CYFIP1: variants seen among roughly 807,000 people sequenced by gnomAD.
CYFIP1 encodes cytoplasmic FMR1-interacting protein 1.
A neutral mutation model predicts 163.5 loss-of-function variants in CYFIP1; 58 were observed. The ratio of observed to expected loss-of-function variants is 0.35; its 90% CI spans 0.29 to 0.44. The LOEUF (loss-of-function observed/expected upper bound fraction) is 0.44, where lower values mean the gene tolerates loss of function less well. CYFIP1 is among the 20% of genes least tolerant of loss of function. The pLI is 1.00. For synonymous variants in CYFIP1, 663 were observed against 660.7 expected, an observed-to-expected ratio of 1.00 and a Z score of -0.05; for missense variants, 1,338 against 1,653.8, an observed-to-expected ratio of 0.81 and a Z score of 3.31.
chr15:22,915,059 T>A (rs2060923957), intron 16 of CYFIP1, 177 bp from the exon 17 acceptor site: 1 of 520,026 alleles, frequency 1.9e-6, no homozygotes. Flanking sequence ...CAGGACCAGC[T>A]GGGCATAGCT....
At position 22,910,604 on chromosome 15, in the gene CYFIP1, T is replaced by A; in HGVS notation, c.2184A>T (p.Arg728=). ...AGSLLLDKRL[R]SECKNQGATI... ...TGGCTCCCTGATTCTTGCATTCTGA[T>A]CGTAACCGTTTATCAAGAAGCAAAC... The change falls in exon 20 of 31, where the codon CGA becomes CGT. Residue 728 remains arginine, a synonymous_variant. Transcript: ENST00000617928. The A allele has an allele frequency of 1.2e-6, 2 of 1,614,154 alleles. No homozygotes were observed. The highest frequency in any genetic ancestry group is 1.7e-6 in the Non-Finnish European group (2 of 1,180,006).
In CYFIP1 at chr15:22,945,353, C is replaced by A. The variant is rs527739266; in HGVS notation, c.208-414G>T. On this transcript the variant is annotated intron_variant, in intron 3 of 30. Transcript: ENST00000617928. ...ACTGGCTCACAGGGCCTCCCGGTCC[C>A]AGAGAGGACTAGAGGCAGGGCTGCC... 3.9e-5 allele frequency among the ~76,000 whole-genome samples: 6 copies of A among 152,292 alleles called. No homozygotes were observed. In the East Asian group the frequency reaches 1.2e-3, roughly 29 times the overall value.
At position 22,943,229 on chromosome 15, in the gene CYFIP1, C is replaced by T; in HGVS notation, c.513G>A (p.Leu171=). The T allele has an allele frequency of 6.2e-7, 1 of 1,614,238 alleles. No individual in the cohort carries two copies. The highest frequency in any genetic ancestry group is 8.5e-7 in the Non-Finnish European group (1 of 1,180,040). The stretch of plus-strand genomic sequence containing the variant: ...TGCACTTCATGTTCTTCAGCTCGTC[C>T]AGCACAGCGAACATGTTGATGAATT... ...LGKFINMFAV[L]DELKNMKCSV... The change falls in exon 6 of 31, where the codon CTG becomes CTA. Residue 171 remains leucine, a synonymous_variant. Transcript: ENST00000617928.
chr15:22,946,883 T>A (rs1441812462), intron 3 of CYFIP1, 120 bp downstream of exon 3: 1 of 847,280 alleles, frequency 1.2e-6, no homozygotes, highest in Non-Finnish European at 2.0e-6. Flanking sequence ...AGGCATTTCA[T>A]TCATTTTCTT....
In CYFIP1 at chr15:22,870,146, T is replaced by G. The variant is rs1165023423; in HGVS notation, c.3644A>C (p.Asn1215Thr). ...ATCCAGGATGGTGATGATCTCATCA[T>G]TGAGAATCTGGAACTTGCGAATTCT... ...VERIRKFQIL[N>T]DEIITILDKY... The change falls in exon 31 of 31, where the codon AAT becomes ACT. Residue 1215 changes from asparagine to threonine, a missense_variant. Physicochemically the swap from Asn to Thr is moderately conservative, Grantham distance 65. Coordinates refer to ENST00000617928, the MANE Select transcript of CYFIP1 (RefSeq NM_014608.6). 6.2e-7 allele frequency: 1 copy of G among 1,612,462 alleles called. No individual in the cohort carries two copies. The highest frequency in any genetic ancestry group is 1.3e-5 in the African/African-American group (1 of 74,814).
In CYFIP1 at chr15:22,882,916, C is replaced by G. The variant is rs765338971; in HGVS notation, c.2772G>C (p.Gln924His). 3 of 1,613,970 alleles carry G rather than the reference C, an allele frequency of 1.9e-6. No individual in the cohort carries two copies. The East Asian group carries it at 6.7e-5, about 36-fold the overall frequency. Residue 924 changes from glutamine to histidine, a missense_variant, in exon 24 of 31, where the codon CAG becomes CAC. Physicochemically the swap from Gln to His is conservative, Grantham distance 24. Around this residue, in one of 4 missense-constraint regions of CYFIP1, gnomAD observed 824 missense variants for 995.7 expected, o/e 0.83. Transcript: ENST00000617928. ...GCTCCTCCATGACCACGGCGATACC[C>G]TGGTAGCCGAGAAGCCGGCAGATGA... Reference protein sequence around the residue: ...FQVICRLLGYQGIAVVMEELL... With the variant: ...FQVICRLLGYHGIAVVMEELL...
chr15:22,867,396 A>G lies in CYFIP1; in HGVS notation c.*2632T>C, dbSNP rs934931804. On this transcript the variant is annotated 3_prime_UTR_variant, in exon 31 of 31. Coordinates refer to ENST00000617928, the MANE Select transcript of CYFIP1 (RefSeq NM_014608.6). ...GAACCTCTTTCTTACAAAACAAAAAAAAGGGCAGAAATCACCCCAAGGAAC... is the reference window on the plus strand; with the variant it reads ...GAACCTCTTTCTTACAAAACAAAAAGAAGGGCAGAAATCACCCCAAGGAAC... 2 of 386,364 alleles carry G rather than the reference A, an allele frequency of 5.2e-6. No homozygotes were observed. The highest frequency in any genetic ancestry group is 4.6e-6 in the Non-Finnish European group (1 of 219,358). The allele number at this position is 386,364 out of a possible 1,614,324, so 23.9% of individuals were successfully genotyped here. A position where few individuals can be genotyped will look rare whatever the true frequency, so the allele number is the denominator to read the frequency against.
chr15:22,962,757 G>A (rs2062730820), intron 1 of CYFIP1, among the ~76,000 whole-genome samples: 1 of 152,072 alleles, frequency 6.6e-6, no homozygotes, highest in Non-Finnish European at 1.5e-5. Flanking sequence ...TTATAAAAGG[G>A]ATATCATCTA....
At position 22,873,526 on chromosome 15, in the gene CYFIP1, G is replaced by A; in HGVS notation, c.3414C>T (p.Tyr1138=). The change falls in exon 29 of 31, where the codon TAC becomes TAT. Residue 1138 remains tyrosine, a synonymous_variant. Transcript: ENST00000617928. ...HRLWSAMQFV[Y]CIPVGTHEFT... is the part of the protein sequence containing the mutation. ...ACTCGTGTGTCCCCACGGGAATGCAGTAGACAAACTGCATGGCACTCCACA... is the reference window on the plus strand; with the variant it reads ...ACTCGTGTGTCCCCACGGGAATGCAATAGACAAACTGCATGGCACTCCACA... The A allele has an allele frequency of 9.3e-6, 15 of 1,614,154 alleles. No homozygotes were observed. The highest frequency in any genetic ancestry group is 1.3e-5 in the Non-Finnish European group (15 of 1,179,994).
chr15:22,968,797 C>T (rs1159169651), intron 1 of CYFIP1, among the ~76,000 whole-genome samples: 4 of 152,224 alleles, frequency 2.6e-5, no homozygotes, highest in African/African-American at 4.8e-5. Context: ...TCTCTGGGGG[C>T]AGCTGGCCCC....
In CYFIP1 at chr15:22,875,235, G is replaced by A; in HGVS notation, c.3079C>T (p.Pro1027Ser). Reference protein sequence around the residue: ...EEVCDLLHAAPFQNILPRVHV... With the variant: ...EEVCDLLHAASFQNILPRVHV... Reference sequence around the variant, plus strand: ...ACTCGCGGCAAGATGTTCTGGAAAGGAGCCGCGTGCAGCAGGTCACACACT... The same window carrying A: ...ACTCGCGGCAAGATGTTCTGGAAAGAAGCCGCGTGCAGCAGGTCACACACT... Residue 1027 changes from proline (P) to serine (S), a missense_variant, in exon 27 of 31, where the codon CCT (proline) becomes TCT (serine). By Grantham distance (74) the Pro-to-Ser change is moderately conservative (BLOSUM62 -1). Around this residue, in one of 4 missense-constraint regions of CYFIP1, gnomAD observed 306 missense variants for 322.1 expected, o/e 0.95. Transcript: ENST00000617928. 1 of 1,614,074 alleles carries A rather than the reference G, an allele frequency of 6.2e-7. No homozygotes were observed. The highest frequency in any genetic ancestry group is 8.5e-7 in the Non-Finnish European group (1 of 1,179,994).
Position 22,947,175 on chromosome 15 carries a change from G to A in CYFIP1, c.111C>T (p.Leu37=). ...GCAGCTGCTGGGCACCCACCTGGTA[G>A]AGCAGCGAGGATGGCGGGGGCTCGA... ...PCIEPPPSSL[L]YQPNFNTNFE... is the part of the protein sequence containing the mutation. The change falls in exon 2 of 31, where the codon CTC becomes CTT. Residue 37 remains leucine (L), a synonymous_variant. Transcript: ENST00000617928. 6.2e-7 allele frequency: 1 copy of A among 1,614,130 alleles called. No homozygotes were observed. Among genetic ancestry groups the A allele is most frequent in the Non-Finnish European group, 8.5e-7 (1 of 1,179,986 alleles).
intron 13 of CYFIP1, 94 bp downstream of exon 13, chr15:22,925,888 A>G: frequency 6.5e-7 from 1 of 1,548,694 alleles, no homozygotes; most frequent in Non-Finnish European, 8.8e-7. Flanking sequence ...GCAATGAGTA[A>G]ACAGGCAGTT....
At chr15:22,975,612 T>C (rs1222565473) in intron 1 of CYFIP1, among the ~76,000 whole-genome samples, 1 of 151,162 alleles carries the variant, frequency 6.6e-6, no homozygotes, top group African/African-American at 2.4e-5. Context: ...AATACAAAAT[T>C]AGTGGGAGTG....
At chr15:22,924,561 T>C (rs1370175641) in intron 13 of CYFIP1, among the ~76,000 whole-genome samples, 1 of 152,110 alleles carries the variant, frequency 6.6e-6, no homozygotes, top group Non-Finnish European at 1.5e-5. Flanking sequence ...AGCAGAGTGG[T>C]GGCTGCATAC....
At chr15:22,967,474 C>T (rs1474041133) in intron 1 of CYFIP1, among the ~76,000 whole-genome samples, 3 of 151,846 alleles carry the variant, frequency 2.0e-5, no homozygotes, top group Non-Finnish European at 2.9e-5. Context: ...AGGAAGAACT[C>T]GGGGCACCTG....
chr15:22,907,501 G>A (rs1267760045), intron 21 of CYFIP1, among the ~76,000 whole-genome samples: 1 of 152,180 alleles, frequency 6.6e-6, no homozygotes, highest in Non-Finnish European at 1.5e-5. Context: ...AGAAATTCAT[G>A]GCTCCTCAAC....
rs1555409979 is a variant in CYFIP1, at chr15:22,921,784, A to AAAAAGAC, written c.1360-2927_1360-2926insGTCTTTT. On this transcript the variant is annotated intron_variant, in intron 13 of 30. Coordinates refer to ENST00000617928, the MANE Select transcript of CYFIP1 (RefSeq NM_014608.6). The stretch of plus-strand genomic sequence containing the variant: ...TGTCTCAAAAAAAAAAAAAAAAAAA[A>AAAAAGAC]AGAAGCACGAGTTACCAGCATTAAG... Among the ~76,000 whole-genome samples, 39 of 142,222 alleles carry AAAAAGAC rather than the reference A, an allele frequency of 2.7e-4. 5 individuals carry two copies. The highest frequency in any genetic ancestry group is 2.9e-4 in the Non-Finnish European group (19 of 65,428). 93.3% of individuals were successfully genotyped at this position (142,222 alleles called of 152,430 possible).
chr15:22,978,343 A>G (rs1435664461), intron 1 of CYFIP1, among the ~76,000 whole-genome samples: 3 of 118,046 alleles, frequency 2.5e-5, no homozygotes, highest in Non-Finnish European at 5.0e-5. Flanking sequence ...CAGAGTTAAG[A>G]CTCTGTCACA....
Sources: allele counts gnomAD v4.1 joint callset (sites outside exome capture counted in the v4.1 genomes callset), GRCh38; gene constraint gnomAD v4.1.1; regional missense constraint gnomAD v4.1.1; transcripts MANE v1.5; gene names NCBI Gene and HGNC (gene_info 2026-07-23, HGNC 2026-07-21).